SFMBT2: variants seen among roughly 807,000 people sequenced by gnomAD.
SFMBT2 encodes scm-like with four MBT domains protein 2.
SFMBT2 carries 38 observed loss-of-function variants against 110.1 expected under a neutral mutation model. That is an observed-to-expected ratio of 0.35 (90% CI 0.27 to 0.45). The LOEUF is 0.45. SFMBT2 is among the 20% of genes least tolerant of loss of function. The pLI is 1.00. For missense variants in SFMBT2, 1,011 were observed against 1,094.9 expected, an observed-to-expected ratio of 0.92 and a Z score of 1.08; for synonymous variants, 425 against 425.4, an observed-to-expected ratio of 1.00 and a Z score of 0.01.
chr10:7,393,017 AT>A (rs1564473055), intron 1 of SFMBT2, among the ~76,000 whole-genome samples: 2,083 of 73,372 alleles, frequency 0.028, 101 homozygotes, highest in African/African-American at 0.13. Flanking sequence ...ATATATATAT[AT>A]ATATATATAT....
intron 6 of SFMBT2, among the ~76,000 whole-genome samples, chr10:7,278,483 C>T (rs974635383): frequency 1.4e-4 from 22 of 152,136 alleles, no homozygotes; most frequent in African/African-American, 4.8e-4. Context: ...GCCCTGAGGA[C>T]GCCAACGCAG....
chr10:7,242,327 C>G (rs1840457376), intron 9 of SFMBT2, among the ~76,000 whole-genome samples: 1 of 152,188 alleles, frequency 6.6e-6, no homozygotes, highest in Non-Finnish European at 1.5e-5. Context: ...AACAGAGAAA[C>G]AAACACCAAG....
chr10:7,385,209 G>C (rs1310596729), intron 1 of SFMBT2, among the ~76,000 whole-genome samples: 1 of 152,196 alleles, frequency 6.6e-6, no homozygotes, highest in Non-Finnish European at 1.5e-5. Context: ...CAAAGGGTAA[G>C]ATATGCACCC....
chr10:7,385,800 C>G (rs898642787), intron 1 of SFMBT2, among the ~76,000 whole-genome samples: 4 of 152,026 alleles, frequency 2.6e-5, no homozygotes, highest in Non-Finnish European at 5.9e-5. Flanking sequence ...GAGATCAAGA[C>G]CATCCTGGCT....
intron 11 of SFMBT2, among the ~76,000 whole-genome samples, chr10:7,209,064 C>A (rs2762598): frequency 0.39 from 60,011 of 152,094 alleles, 12,787 homozygotes; most frequent in East Asian, 0.85. Context: ...TAAACAAATC[C>A]CATTCTAAAT....
chr10:7,327,491 G>T (rs975939020), intron 4 of SFMBT2, among the ~76,000 whole-genome samples: 4 of 152,096 alleles, frequency 2.6e-5, no homozygotes, highest in Admixed American at 6.6e-5. Flanking sequence ...GGCCAGCCTG[G>T]CCAACATGGT....
intron 4 of SFMBT2, among the ~76,000 whole-genome samples, chr10:7,343,574 T>C: frequency 6.6e-6 from 1 of 152,066 alleles, no homozygotes; most frequent in East Asian, 1.9e-4. Flanking sequence ...TTTCTTAGAA[T>C]AGCCACTCTG....
chr10:7,277,403 C>G (rs1841817089), intron 6 of SFMBT2: 1 of 244,032 alleles, frequency 4.1e-6, no homozygotes, highest in Admixed American at 6.5e-5. Context: ...CGACTCTAGT[C>G]TGGCATTTGC....
At chr10:7,266,278 TG>T (rs1215598764) in intron 7 of SFMBT2, among the ~76,000 whole-genome samples, 1 of 151,968 alleles carries the variant, frequency 6.6e-6, no homozygotes, top group African/African-American at 2.4e-5. Context: ...TTAGTAGAGA[TG>T]GGGTTTCACC....
At chr10:7,361,999 C>T (rs1331105883) in intron 4 of SFMBT2, among the ~76,000 whole-genome samples, 1 of 152,176 alleles carries the variant, frequency 6.6e-6, no homozygotes, top group African/African-American at 2.4e-5. Flanking sequence ...TACATTCTCA[C>T]CATAAACAAT....
Position 7,197,642 on chromosome 10 carries a change from T to A in SFMBT2, c.1604A>T (p.His535Leu). 6.2e-7 allele frequency: 1 copy of A among 1,614,174 alleles called. No individual in the cohort carries two copies. The highest frequency in any genetic ancestry group is 8.5e-7 in the Non-Finnish European group (1 of 1,180,028). The change falls in exon 15 of 21, where the codon CAC (histidine) becomes CTC (leucine). Residue 535 changes from histidine to leucine, a missense_variant. Coordinates refer to ENST00000397167, the MANE Select transcript of SFMBT2 (RefSeq NM_001387889.1). ...CAGGTAAGGGCCTGAGAAACACCTG[T>A]GGTTGATGAAGAGCTGAGGACAGCA... is the stretch of plus-strand genomic sequence containing the variant. The part of the protein sequence containing the change: ...KYCCPQLFIN[H>L]RCFSGPYLNK...
chr10:7,176,281 G>A (rs993584047), intron 16 of SFMBT2, 116 bp from the exon 17 acceptor site: 21 of 1,157,696 alleles, frequency 1.8e-5, no homozygotes, highest in Middle Eastern at 2.0e-4. Flanking sequence ...AGCATATCGC[G>A]TGCAGTTTCC....
At chr10:7,312,485 A>G (rs1290805819) in intron 4 of SFMBT2, among the ~76,000 whole-genome samples, 1 of 152,198 alleles carries the variant, frequency 6.6e-6, no homozygotes, top group Non-Finnish European at 1.5e-5. Context: ...AATACAGAAT[A>G]AAATAGAGGA....
chr10:7,204,812 G>A, intron 12 of SFMBT2: 1 of 354,810 alleles, frequency 2.8e-6, no homozygotes, highest in Non-Finnish European at 3.9e-6. Flanking sequence ...GGTGGAGGTT[G>A]CAGAGAGCCG....
rs148705878 is a variant in SFMBT2, at chr10:7,382,972, G to A, written c.-51-1023C>T. Reference sequence around the variant, plus strand: ...CCATCGAGCAGCCATACCTGGCTCCGATGCTCAGACACAGCTCACATGGTG... The same window carrying A: ...CCATCGAGCAGCCATACCTGGCTCCAATGCTCAGACACAGCTCACATGGTG... On this transcript the variant is annotated intron_variant, in intron 1 of 20. Coordinates refer to ENST00000397167, the MANE Select transcript of SFMBT2 (RefSeq NM_001387889.1). Among the ~76,000 whole-genome samples, 788 of 152,280 alleles carry A rather than the reference G, an allele frequency of 5.2e-3. 8 individuals are homozygous for A. Among genetic ancestry groups the A allele is most frequent in the African/African-American group, 0.017 (692 of 41,558 alleles).
intron 4 of SFMBT2, among the ~76,000 whole-genome samples, chr10:7,323,022 G>A (rs955347784): frequency 6.6e-6 from 1 of 152,152 alleles, no homozygotes; most frequent in African/African-American, 2.4e-5. Context: ...TGTCTAACAT[G>A]AAGAAAACAG....
intron 1 of SFMBT2, among the ~76,000 whole-genome samples, chr10:7,391,523 G>T (rs996724260): frequency 1.3e-5 from 2 of 151,172 alleles, no homozygotes; most frequent in Non-Finnish European, 2.9e-5. Flanking sequence ...GGAGGGCAAT[G>T]GCCGTGCCAC....
chr10:7,341,068 A>C (rs1015316576), intron 4 of SFMBT2, among the ~76,000 whole-genome samples: 1 of 152,182 alleles, frequency 6.6e-6, no homozygotes, highest in African/African-American at 2.4e-5. Flanking sequence ...AGCAGAGGGC[A>C]CCTCCATGTT....
chr10:7,254,154 C>T lies in SFMBT2; in HGVS notation c.871-5505G>A, dbSNP rs61834627. Reference sequence around the variant, plus strand: ...TCCCTCATTTATGCTACGTGGCTCACCCAAGAAAGGCTTCCATAAATATTT... The same window carrying T: ...TCCCTCATTTATGCTACGTGGCTCATCCAAGAAAGGCTTCCATAAATATTT... On this transcript the variant is annotated intron_variant, in intron 7 of 20. Transcript: ENST00000397167. Among the ~76,000 whole-genome samples, 615 of 152,224 alleles carry T rather than the reference C, an allele frequency of 4.0e-3. 2 individuals are homozygous for T. Among genetic ancestry groups the T allele is most frequent in the Non-Finnish European group, 7.3e-3 (496 of 68,008 alleles).
Sources: allele counts gnomAD v4.1 joint callset (sites outside exome capture counted in the v4.1 genomes callset), GRCh38; gene constraint gnomAD v4.1.1; transcripts MANE v1.5; gene names NCBI Gene and HGNC (gene_info 2026-07-23, HGNC 2026-07-21).